Variants in PTPRG observed in about 807,000 individuals in gnomAD.
PTPRG encodes the protein protein tyrosine phosphatase receptor type G.
Under a neutral mutation model 165.3 loss-of-function variants are expected in PTPRG, and 102 were observed. That is an observed-to-expected ratio of 0.62 (90% CI 0.53 to 0.73). The LOEUF (loss-of-function observed/expected upper bound fraction) is 0.73. Ranked by LOEUF, PTPRG falls within the 30% of genes least tolerant of loss-of-function variation. The probability of loss-of-function intolerance (pLI) is 0.00; values close to 1 mark genes in which losing one functional copy is unlikely to be tolerated. For synonymous variants in PTPRG, 675 were observed against 669.5 expected (o/e 1.01, Z -0.13); for missense variants, 1,866 against 1,861.4 (o/e 1.00, Z -0.05).
Position 62,165,239 on chromosome 3 carries a change from T to C in PTPRG, c.841-2732T>C, listed in dbSNP as rs577724927. 7.9e-5 allele frequency among the ~76,000 whole-genome samples: 12 copies of C among 152,354 alleles called. No individual in the cohort carries two copies. The South Asian group carries it at 2.5e-3, about 32-fold the overall frequency. On this transcript the variant is annotated intron_variant, in intron 7 of 29. Coordinates refer to ENST00000474889, the MANE Select transcript of PTPRG (RefSeq NM_002841.4). ...CAGGATTTTTTCTCCATCTTTTTAA[T>C]CATTTTGATTGGTCTTTTTCTGGGC...
chr3:62,024,688 A>C (rs1319942316), intron 4 of PTPRG, among the ~76,000 whole-genome samples: 2 of 152,226 alleles, frequency 1.3e-5, no homozygotes, highest in South Asian at 2.1e-4. Flanking sequence ...TTTTTAAAGA[A>C]AGTAAACATT....
chr3:61,580,630 C>T (rs1700271115), intron 1 of PTPRG, among the ~76,000 whole-genome samples: 1 of 151,978 alleles, frequency 6.6e-6, no homozygotes, highest in African/African-American at 2.4e-5. Flanking sequence ...CCAATGCGCC[C>T]GGCCATCTGA....
At chr3:61,848,737 C>T (rs749343440) in intron 2 of PTPRG, among the ~76,000 whole-genome samples, 3 of 152,142 alleles carry the variant, frequency 2.0e-5, no homozygotes, top group Non-Finnish European at 4.4e-5. Flanking sequence ...CAATCTAATG[C>T]TTTATTAAAG....
chr3:62,029,317 A>G (rs1480449318), intron 4 of PTPRG, among the ~76,000 whole-genome samples: 1 of 152,134 alleles, frequency 6.6e-6, no homozygotes, highest in African/African-American at 2.4e-5. Context: ...CATTCTCACA[A>G]GTACATTTCT....
intron 2 of PTPRG, among the ~76,000 whole-genome samples, chr3:61,857,089 CT>C (rs895779789): frequency 4.6e-4 from 68 of 146,500 alleles, no homozygotes; most frequent in Admixed American, 4.8e-4. Flanking sequence ...TGTCTAGTAT[CT>C]TTTTTTTTTT....
intron 2 of PTPRG, among the ~76,000 whole-genome samples, chr3:61,878,888 A>G (rs2037813115): frequency 6.6e-6 from 1 of 152,228 alleles, no homozygotes; most frequent in South Asian, 2.1e-4. Flanking sequence ...ATAGTTTATT[A>G]CATGTATCAA....
chr3:61,911,856 C>T (rs1006989878), intron 2 of PTPRG, among the ~76,000 whole-genome samples: 29 of 152,074 alleles, frequency 1.9e-4, no homozygotes, highest in Non-Finnish European at 2.1e-4. Flanking sequence ...TAGAGCTCTA[C>T]CAAAAATTGA....
In PTPRG at chr3:62,255,261, C is replaced by CT; in HGVS notation, c.2559+49dup. ...TTAACTTCCAGAAACCTAAGTCTTA[C>CT]TTTATGCAGATTTTTGTAAACTTGA... On this transcript the variant is annotated intron_variant, in intron 16 of 29. Transcript: ENST00000474889. The surrounding 1 kb of genome is among the most constrained non-coding windows in gnomAD (Gnocchi z 4.0). 1.4e-6 allele frequency: 2 copies of CT among 1,464,592 alleles called. No individual in the cohort carries two copies. Among genetic ancestry groups the CT allele is most frequent in the Non-Finnish European group, 1.9e-6 (2 of 1,059,826 alleles). 90.7% of individuals were successfully genotyped at this position (1,464,592 alleles called of 1,614,324 possible).
At chr3:61,583,718 C>T (rs1185142819) in intron 1 of PTPRG, among the ~76,000 whole-genome samples, 2 of 152,090 alleles carry the variant, frequency 1.3e-5, no homozygotes, top group Non-Finnish European at 2.9e-5. Flanking sequence ...CTAGAATTGG[C>T]ATCTTGAGCC....
intron 2 of PTPRG, among the ~76,000 whole-genome samples, chr3:61,965,878 G>A (rs968806747): frequency 7.9e-5 from 12 of 152,230 alleles, no homozygotes; most frequent in Non-Finnish European, 1.6e-4. Flanking sequence ...CTGGTTCTAG[G>A]ATTCATGGTC....
chr3:61,675,898 G>T (rs555326313), intron 1 of PTPRG, among the ~76,000 whole-genome samples: 1 of 152,208 alleles, frequency 6.6e-6, no homozygotes, highest in East Asian at 2.0e-4. Context: ...TTCTTAAGAG[G>T]CATGTGTCAT....
intron 2 of PTPRG, among the ~76,000 whole-genome samples, chr3:61,910,863 TGGAAGGCCTGAA>T (rs2038785267): frequency 3.3e-5 from 5 of 152,224 alleles, no homozygotes; most frequent in Admixed American, 6.5e-5. Flanking sequence ...GGCACTTAGG[TGGAAGGCCTGAA>T]TCTTTGCCAG....
chr3:61,772,104 G>A (rs1249808898), intron 2 of PTPRG, among the ~76,000 whole-genome samples: 2 of 141,288 alleles, frequency 1.4e-5, no homozygotes, highest in Non-Finnish European at 3.1e-5. Context: ...ATATTGTGAT[G>A]ATCTCTGAAT....
chr3:61,623,545 T>G (rs188086669), intron 1 of PTPRG, among the ~76,000 whole-genome samples: 82 of 152,266 alleles, frequency 5.4e-4, no homozygotes, highest in African/African-American at 1.9e-3. Flanking sequence ...AATGAATGAC[T>G]TGTTCAGGAG....
In PTPRG at chr3:61,585,994, T is replaced by A. The variant is rs543419824; in HGVS notation, c.85+23622T>A. ...ATCACAGTGGAATATGAAAAGACACTGATTGGGCTATTGGATTATAACATG... is the reference window on the plus strand; with the variant it reads ...ATCACAGTGGAATATGAAAAGACACAGATTGGGCTATTGGATTATAACATG... On this transcript the variant is annotated intron_variant, in intron 1 of 29. Transcript: ENST00000474889. Among the ~76,000 whole-genome samples the A allele has an allele frequency of 3.3e-5, 5 of 152,336 alleles. No individual in the cohort carries two copies. The East Asian group carries it at 9.6e-4, about 29-fold the overall frequency.
At position 62,203,669 on chromosome 3, in the gene PTPRG, C is replaced by G; in HGVS notation, c.1874C>G (p.Pro625Arg). The G allele has an allele frequency of 6.4e-7, 1 of 1,565,038 alleles. No individual in the cohort carries two copies. Among genetic ancestry groups the G allele is most frequent in the South Asian group, 1.2e-5 (1 of 85,228 alleles). The change falls in exon 12 of 30, where the codon CCC becomes CGC. Residue 625 changes from proline (P) to arginine (R), a missense_variant. Physicochemically the swap from Pro to Arg is moderately radical, Grantham distance 103. This residue lies in a region of PTPRG where 1,452 missense variants were observed against 1,463.0 expected (regional missense o/e 0.99). Transcript: ENST00000474889. This position sits in a 1 kb window ranked among gnomAD's most constrained non-coding sequence, Gnocchi z 6.4. ...AEERNQTEPS[P>R]TPSSPNRTAE... ...GAGCGGAATCAGACGGAGCCCAGCC[C>G]CACACCCTCGTCTCCTAACAGGACT... is the stretch of plus-strand genomic sequence containing the variant.
chr3:61,860,900 A>G (rs991287639), intron 2 of PTPRG, among the ~76,000 whole-genome samples: 2 of 152,142 alleles, frequency 1.3e-5, no homozygotes, highest in African/African-American at 4.8e-5. Flanking sequence ...CCGTCACCAC[A>G]GTCAAGATTC....
chr3:61,759,058 C>T (rs1244823299), intron 2 of PTPRG, among the ~76,000 whole-genome samples: 1 of 152,128 alleles, frequency 6.6e-6, no homozygotes, highest in Admixed American at 6.5e-5. Flanking sequence ...GTGTTAGTTT[C>T]AGTGTTTGGC....
At chr3:61,570,209 A>G (rs943980378) in intron 1 of PTPRG, among the ~76,000 whole-genome samples, 2 of 151,662 alleles carry the variant, frequency 1.3e-5, no homozygotes, top group African/African-American at 4.8e-5. Context: ...GCTACAGAGC[A>G]TATGAGAGAG....
Sources: allele counts gnomAD v4.1 joint callset (sites outside exome capture counted in the v4.1 genomes callset), GRCh38; gene constraint gnomAD v4.1.1; regional missense constraint gnomAD v4.1.1; non-coding constraint Gnocchi (gnomAD v3.1); transcripts MANE v1.5; gene names NCBI Gene and HGNC (gene_info 2026-07-23, HGNC 2026-07-21).